Variants in SCMH1 observed in about 807,000 individuals in gnomAD.
SCMH1 encodes Scm polycomb group protein homolog 1, also known as polycomb protein SCMH1.
In SCMH1, 37 loss-of-function variants were observed where a neutral mutation model predicts 70.8. The observed-to-expected ratio is 0.52, with a 90% CI of 0.40 to 0.69. The LOEUF (loss-of-function observed/expected upper bound fraction) is 0.69. SCMH1 is among the 30% of genes least tolerant of loss of function. SCMH1 has a pLI of 0.00. For synonymous variants in SCMH1, 292 were observed against 307.4 expected, an observed-to-expected ratio of 0.95 and a Z score of 0.52; for missense variants, 607 against 827.3, an observed-to-expected ratio of 0.73 and a Z score of 3.27.
intron 6 of SCMH1, among the ~76,000 whole-genome samples, chr1:41,135,348 T>C (rs1004517489): frequency 1.3e-5 from 2 of 152,156 alleles, no homozygotes; most frequent in African/African-American, 4.8e-5. Flanking sequence ...AATCCCCACA[T>C]ATGATGATAG....
intron 14 of SCMH1, 129 bp downstream of exon 15, chr1:41,028,455 G>A: frequency 6.0e-6 from 9 of 1,498,894 alleles, no homozygotes; most frequent in Non-Finnish European, 8.2e-6. Flanking sequence ...CTGCTGTGAT[G>A]CTGAAGCCTA....
chr1:41,046,557 C>G (rs750438486), exon 12 of SCMH1: 4 of 1,614,066 alleles, frequency 2.5e-6, no homozygotes, highest in Non-Finnish European at 2.5e-6. Flanking sequence ...ATGCTGTTGA[C>G]TGCTGGGAGG....
Position 41,237,555 on chromosome 1 carries a change from C to T in SCMH1, c.-118+4504G>A, listed in dbSNP as rs150872311. On this transcript the variant is annotated intron_variant, in intron 1 of 14. Transcript: ENST00000337495. The stretch of plus-strand genomic sequence containing the variant: ...TCAACTCCAAACTGCATCACAGTTT[C>T]GGATCTTTAATACCAATGCCCCAGC... 3.7e-4 allele frequency among the ~76,000 whole-genome samples: 57 copies of T among 152,296 alleles called. No homozygotes were observed. The East Asian group carries it at 8.1e-3, about 22-fold the overall frequency.
At chr1:41,223,924 G>A (rs937383776) in intron 1 of SCMH1, among the ~76,000 whole-genome samples, 1 of 152,076 alleles carries the variant, frequency 6.6e-6, no homozygotes, top group African/African-American at 2.4e-5. Context: ...CTTGCCCACA[G>A]AATGACATTT....
intron 1 of SCMH1, among the ~76,000 whole-genome samples, chr1:41,226,335 T>C (rs959564232): frequency 6.6e-6 from 1 of 152,176 alleles, no homozygotes; most frequent in Non-Finnish European, 1.5e-5. Flanking sequence ...ATGATGAGAT[T>C]TGTAACTTAG....
Position 41,189,899 on chromosome 1 carries a change from G to A in SCMH1, c.-117-3649C>T, listed in dbSNP as rs1233586659. On this transcript the variant is annotated intron_variant, in intron 1 of 14. Transcript: ENST00000337495. The stretch of plus-strand genomic sequence containing the variant: ...AACTTGCAGAGGTGTGAGGCAGAGC[G>A]TAAGAGAAGCTAATGCTTTTTGGAA... Among the ~76,000 whole-genome samples the A allele has an allele frequency of 5.3e-5, 8 of 152,218 alleles. No individual in the cohort carries two copies. In the South Asian group the frequency reaches 8.3e-4, roughly 16 times the overall value.
At chr1:41,035,723 G>C (rs544266053) in intron 13 of SCMH1, among the ~76,000 whole-genome samples, 1 of 152,156 alleles carries the variant, frequency 6.6e-6, no homozygotes, top group African/African-American at 2.4e-5. Flanking sequence ...CAAGCTGTCT[G>C]CTGACATACG....
At chr1:41,218,653 T>C (rs1331804393) in intron 1 of SCMH1, among the ~76,000 whole-genome samples, 1 of 152,202 alleles carries the variant, frequency 6.6e-6, no homozygotes, top group Non-Finnish European at 1.5e-5. Context: ...CCTAGGAAAC[T>C]AAAACACCTC....
At chr1:41,046,474 G>C (rs369713398) in exon 12 of SCMH1, 71 of 1,614,126 alleles carry the variant, frequency 4.4e-5, no homozygotes, top group Middle Eastern at 1.6e-4. Context: ...TCTGTGTAAA[G>C]GGCTGGTTGC....
intron 11 of SCMH1, 146 bp downstream of exon 11, chr1:41,048,544 G>T (rs1647118733): frequency 4.2e-6 from 3 of 711,366 alleles, no homozygotes; most frequent in South Asian, 3.5e-5. Context: ...GGCTCTTGGG[G>T]GGTTGGAGAT....
intron 6 of SCMH1, among the ~76,000 whole-genome samples, chr1:41,133,441 C>T (rs1642713818): frequency 6.6e-6 from 1 of 151,958 alleles, no homozygotes; most frequent in Non-Finnish European, 1.5e-5. Flanking sequence ...AAGGTAAGTG[C>T]AGAACTGAAG....
chr1:41,140,841 T>A (rs1217538464), intron 6 of SCMH1, among the ~76,000 whole-genome samples: 1 of 152,090 alleles, frequency 6.6e-6, no homozygotes, highest in Non-Finnish European at 1.5e-5. Context: ...TCAAACAGTA[T>A]ATAAAAGAGT....
chr1:41,160,925 T>C, intron 3 of SCMH1, 27 bp from the exon 4 acceptor site: 1 of 1,547,178 alleles, frequency 6.5e-7, no homozygotes, highest in Non-Finnish European at 8.7e-7. Context: ...TGTTGGAGCA[T>C]AAGTCATTAA....
intron 12 of SCMH1, 139 bp from the exon 13 acceptor site, chr1:41,037,680 G>A (rs1473141261): frequency 1.2e-5 from 8 of 692,094 alleles, no homozygotes; most frequent in Non-Finnish European, 2.0e-5. Context: ...TACCAGTCAT[G>A]GTTGTGGCTG....
chr1:41,233,850 C>G (rs17358157), intron 1 of SCMH1, among the ~76,000 whole-genome samples: 37,721 of 152,082 alleles, frequency 0.25, 5,271 homozygotes, highest in Non-Finnish European at 0.31. Flanking sequence ...TAACTTACTG[C>G]ACAAGAGCAC....
At chr1:41,159,791 C>A in intron 4 of SCMH1, 1 of 1,489,594 alleles carries the variant, frequency 6.7e-7, no homozygotes, top group Non-Finnish European at 8.9e-7. Flanking sequence ...CAAAGAATGT[C>A]AGAAGATTTG....
intron 9 of SCMH1, among the ~76,000 whole-genome samples, chr1:41,073,316 G>A (rs1246961700): frequency 6.6e-6 from 1 of 152,016 alleles, no homozygotes; most frequent in African/African-American, 2.4e-5. Flanking sequence ...CCATTTATTG[G>A]TTCTGGTTCT....
chr1:41,161,504 T>A (rs1425425884), intron 2 of SCMH1, 72 bp from the exon 3 acceptor site: 13 of 1,482,490 alleles, frequency 8.8e-6, no homozygotes, highest in Admixed American at 2.5e-5. Context: ...TTTGGCAGTA[T>A]GTATTAACAG....
intron 6 of SCMH1, among the ~76,000 whole-genome samples, chr1:41,142,153 G>A (rs1439614710): frequency 2.0e-5 from 3 of 151,832 alleles, no homozygotes; most frequent in Admixed American, 6.6e-5. Context: ...GGGGGAAAAC[G>A]TTAAATAAGT....
Sources: gnomAD v4.1 joint callset for allele counts (sites outside exome capture counted in the v4.1 genomes callset) on GRCh38, gnomAD v4.1.1 for gene constraint, MANE v1.5 for transcripts, NCBI Gene and HGNC (gene_info 2026-07-23, HGNC 2026-07-21) for gene names.